The following CALN1 variants were observed in gnomAD, a reference collection of about 807,000 sequenced individuals.
CALN1 encodes calneuron 1, also known as calcium-binding protein 8.
In CALN1, 17 loss-of-function variants were observed where a neutral mutation model predicts 30.6. The observed-to-expected ratio is 0.56, with a 90% confidence interval of 0.38 to 0.83. The LOEUF (loss-of-function observed/expected upper bound fraction) is 0.83, where lower values mean the gene tolerates loss of function less well. Among genes scored for constraint, CALN1 ranks in the 40% least tolerant of loss-of-function variants. CALN1 has a pLI of 0.00. For synonymous variants in CALN1, 156 were observed against 131.4 expected (o/e 1.19, Z -1.28); for missense variants, 291 against 354.9 (o/e 0.82, Z 1.45).
intron 2 of CALN1, among the ~76,000 whole-genome samples, chr7:72,361,224 G>A (rs572034850): frequency 5.9e-5 from 9 of 152,140 alleles, no homozygotes; most frequent in African/African-American, 1.7e-4. Context: ...GCCTGGAGAC[G>A]CCCTGGATTT....
At chr7:72,328,788 T>G (rs1399864589) in intron 2 of CALN1, among the ~76,000 whole-genome samples, 1 of 152,174 alleles carries the variant, frequency 6.6e-6, no homozygotes. Context: ...CTCCGCCTCC[T>G]GGGTTCAAGC....
At position 72,382,703 on chromosome 7, in the gene CALN1, G is replaced by C. The variant is rs146466548; in HGVS notation, c.119+20548C>G. Among the ~76,000 whole-genome samples the C allele has an allele frequency of 2.6e-5, 4 of 152,246 alleles. No individual in the cohort carries two copies. The East Asian group carries it at 5.8e-4, about 22-fold the overall frequency. On this transcript the variant is annotated intron_variant, in intron 2 of 6. Transcript: ENST00000395275. ...ATGTTTAGCTCCCACTTATACATGA[G>C]AACATGCAGTATTTGGATTTCTCCT...
intron 3 of CALN1, among the ~76,000 whole-genome samples, chr7:72,229,616 G>A (rs925455993): frequency 2.6e-5 from 4 of 152,022 alleles, no homozygotes; most frequent in African/African-American, 9.7e-5. Context: ...AGAAGAATGA[G>A]TTCATGTCCT....
chr7:72,310,779 T>A (rs1389201709), intron 2 of CALN1, among the ~76,000 whole-genome samples: 1 of 151,702 alleles, frequency 6.6e-6, no homozygotes, highest in Non-Finnish European at 1.5e-5. Flanking sequence ...GGTGGGCACC[T>A]GTAATCCCAG....
At chr7:72,435,784 A>G (rs945309621) in intron 1 of CALN1, among the ~76,000 whole-genome samples, 1 of 152,218 alleles carries the variant, frequency 6.6e-6, no homozygotes, top group African/African-American at 2.4e-5. Flanking sequence ...AATTTTAACA[A>G]TTTAACAGTG....
chr7:72,082,442 A>G (rs921256276), intron 4 of CALN1, among the ~76,000 whole-genome samples: 1 of 152,100 alleles, frequency 6.6e-6, no homozygotes, highest in Non-Finnish European at 1.5e-5. Flanking sequence ...GCTGAGGGAA[A>G]TCCCTCTGAG....
At chr7:72,291,741 T>G (rs1235354141) in intron 2 of CALN1, among the ~76,000 whole-genome samples, 2 of 152,168 alleles carry the variant, frequency 1.3e-5, no homozygotes, top group Non-Finnish European at 2.9e-5. Flanking sequence ...GCCTCCCAAG[T>G]AGCTGGGATG....
At chr7:72,048,041 CT>C (rs1159186115) in intron 4 of CALN1, among the ~76,000 whole-genome samples, 169 of 127,586 alleles carry the variant, frequency 1.3e-3, no homozygotes, top group Middle Eastern at 8.7e-3. Context: ...TCTTCTTCTT[CT>C]TTTTTTTTTT....
At chr7:72,220,252 T>C (rs1409968306) in intron 3 of CALN1, among the ~76,000 whole-genome samples, 2 of 142,604 alleles carry the variant, frequency 1.4e-5, no homozygotes, top group Non-Finnish European at 3.0e-5. Context: ...CCATGTGTTC[T>C]CATTGTTCAA....
intron 5 of CALN1, among the ~76,000 whole-genome samples, chr7:71,908,524 A>C (rs1471177619): frequency 6.6e-6 from 1 of 152,176 alleles, no homozygotes; most frequent in East Asian, 1.9e-4. Context: ...GAAGATAAAA[A>C]TTCCTTTCTT....
chr7:71,933,563 A>T (rs768572348), intron 5 of CALN1, among the ~76,000 whole-genome samples: 2 of 152,010 alleles, frequency 1.3e-5, no homozygotes, highest in Non-Finnish European at 2.9e-5. Context: ...CCGCTTCAAC[A>T]TCGTAAAAGA....
chr7:72,148,144 G>GA (rs34363697), intron 3 of CALN1, among the ~76,000 whole-genome samples: 32,833 of 131,218 alleles, frequency 0.25, 4,595 homozygotes, highest in East Asian at 0.67. Flanking sequence ...CAAACAAACA[G>GA]AAAAAAAAAA....
At chr7:72,247,622 T>C (rs1795279947) in intron 3 of CALN1, among the ~76,000 whole-genome samples, 1 of 152,110 alleles carries the variant, frequency 6.6e-6, no homozygotes, top group South Asian at 2.1e-4. Context: ...AGTGGTAACA[T>C]AGTCCCCTGG....
intron 3 of CALN1, among the ~76,000 whole-genome samples, chr7:72,194,615 CAG>C (rs1790861538): frequency 9.4e-6 from 1 of 105,982 alleles, no homozygotes; most frequent in African/African-American, 3.5e-5. Context: ...TTTTTTTTGA[CAG>C]AGTCTTGCTC....
intron 5 of CALN1, among the ~76,000 whole-genome samples, chr7:71,990,412 C>T (rs1049826665): frequency 1.3e-5 from 2 of 152,050 alleles, no homozygotes; most frequent in African/African-American, 4.8e-5. Flanking sequence ...AATACTCAAT[C>T]GAGCAGCCCA....
intron 2 of CALN1, among the ~76,000 whole-genome samples, chr7:72,365,305 C>T (rs1803814619): frequency 6.6e-6 from 1 of 151,982 alleles, no homozygotes; most frequent in South Asian, 2.1e-4. Context: ...TGCACTCCAG[C>T]CTGGGTGACA....
intron 4 of CALN1, among the ~76,000 whole-genome samples, chr7:72,076,933 A>AT (rs568292083): frequency 5.6e-4 from 85 of 151,546 alleles, no homozygotes; most frequent in African/African-American, 1.7e-3. Flanking sequence ...TTTATTTTTT[A>AT]TTTTTTTTGA....
intron 6 of CALN1, among the ~76,000 whole-genome samples, chr7:71,790,641 C>T (rs1228282924): frequency 6.6e-6 from 1 of 152,252 alleles, no homozygotes; most frequent in African/African-American, 2.4e-5. Context: ...AAGCCACCTA[C>T]TCCAGAGCAA....
intron 4 of CALN1, among the ~76,000 whole-genome samples, chr7:72,065,779 G>A (rs555001267): frequency 1.3e-5 from 2 of 152,250 alleles, no homozygotes; most frequent in Admixed American, 6.5e-5. Context: ...TGTAATCCCA[G>A]CTACTCAGGA....
Sources: gnomAD v4.1 joint callset for allele counts (sites outside exome capture counted in the v4.1 genomes callset) on GRCh38, gnomAD v4.1.1 for gene constraint, MANE v1.5 for transcripts, NCBI Gene and HGNC (gene_info 2026-07-23, HGNC 2026-07-21) for gene names.